Variants in SLC35F4 observed in about 807,000 individuals in gnomAD.
The protein encoded by SLC35F4 is chromosome 14 open reading frame 36.
A neutral mutation model predicts 44.2 loss-of-function variants in SLC35F4; 24 were observed. That is an observed-to-expected ratio of 0.54 (90% CI 0.39 to 0.76). The LOEUF (loss-of-function observed/expected upper bound fraction) is 0.76, where lower values mean the gene tolerates loss of function less well. SLC35F4 is among the 30% of genes least tolerant of loss of function. SLC35F4 has a pLI of 0.00. For missense variants in SLC35F4, 562 were observed against 586.1 expected, an observed-to-expected ratio of 0.96 and a Z score of 0.42; for synonymous variants, 238 against 223.6, an observed-to-expected ratio of 1.06 and a Z score of -0.57.
upstream of SLC35F4, among the ~76,000 whole-genome samples, chr14:57,867,690 A>T (rs1481827891): frequency 6.6e-6 from 1 of 151,934 alleles, no homozygotes; most frequent in African/African-American, 2.4e-5. Context: ...TGTATTGCAC[A>T]TGGTAAAATG....
intron 1 of SLC35F4, among the ~76,000 whole-genome samples, chr14:57,670,266 C>G (rs1175435986): frequency 1.3e-5 from 2 of 151,446 alleles, no homozygotes; most frequent in African/African-American, 2.5e-5. Flanking sequence ...TTTTGTTGAT[C>G]TTTTCAAAGA....
At chr14:57,794,449 A>G (rs1349568985) in intron 1 of SLC35F4, among the ~76,000 whole-genome samples, 1 of 152,164 alleles carries the variant, frequency 6.6e-6, no homozygotes, top group Non-Finnish European at 1.5e-5. Flanking sequence ...AAAAATGTTC[A>G]ACATCACTAA....
intron 1 of SLC35F4, among the ~76,000 whole-genome samples, chr14:57,930,519 C>G (rs1321013851): frequency 6.6e-6 from 1 of 152,166 alleles, no homozygotes; most frequent in Non-Finnish European, 1.5e-5. Flanking sequence ...TGAAAACTTC[C>G]TCATTGTCTC....
At chr14:57,602,305 A>G (rs2070872378) in intron 1 of SLC35F4, 2 of 152,216 alleles carry the variant, frequency 1.3e-5, no homozygotes, top group Non-Finnish European at 2.9e-5. Context: ...TGTGGGGAGC[A>G]AACAAGGTGT....
At chr14:57,801,505 T>C (rs759257592) in intron 1 of SLC35F4, among the ~76,000 whole-genome samples, 17 of 152,126 alleles carry the variant, frequency 1.1e-4, no homozygotes, top group Admixed American at 1.3e-4. Context: ...AAAGCACACA[T>C]AACAATACTA....
At chr14:57,620,340 T>C (rs186997757) in intron 1 of SLC35F4, among the ~76,000 whole-genome samples, 5 of 152,252 alleles carry the variant, frequency 3.3e-5, no homozygotes, top group Admixed American at 3.3e-4. Context: ...ACAGTGAATC[T>C]CTCGGCAGAA....
chr14:57,611,845 A>G (rs1765467963), intron 1 of SLC35F4, among the ~76,000 whole-genome samples: 1 of 152,174 alleles, frequency 6.6e-6, no homozygotes, highest in African/African-American at 2.4e-5. Context: ...AGTTCCAGCT[A>G]GATGAAGTAA....
At chr14:57,766,148 T>C (rs2077229453) in intron 1 of SLC35F4, among the ~76,000 whole-genome samples, 1 of 152,208 alleles carries the variant, frequency 6.6e-6, no homozygotes, top group Non-Finnish European at 1.5e-5. Context: ...ACATAAAGGC[T>C]GAAATCCATC....
intron 1 of SLC35F4, among the ~76,000 whole-genome samples, chr14:57,644,430 C>T (rs928247827): frequency 3.3e-5 from 5 of 150,130 alleles, no homozygotes; most frequent in African/African-American, 1.2e-4. Flanking sequence ...TGAGAAGTGT[C>T]TGTTCATATC....
At chr14:57,633,919 T>G (rs2072906210) in intron 1 of SLC35F4, among the ~76,000 whole-genome samples, 1 of 151,996 alleles carries the variant, frequency 6.6e-6, no homozygotes, top group African/African-American at 2.4e-5. Context: ...AATGCTAACT[T>G]TAAAGGACTA....
At chr14:57,586,187 A>G (rs2069706729) in intron 3 of SLC35F4, among the ~76,000 whole-genome samples, 1 of 152,170 alleles carries the variant, frequency 6.6e-6, no homozygotes, top group Admixed American at 6.5e-5. Flanking sequence ...ATCTACAACC[A>G]TCTAGTCTTT....
chr14:57,607,613 T>A (rs1026120663), intron 1 of SLC35F4, among the ~76,000 whole-genome samples: 1 of 152,128 alleles, frequency 6.6e-6, no homozygotes, highest in Non-Finnish European at 1.5e-5. Context: ...AACACCAATC[T>A]CGGCCAATGC....
intron 1 of SLC35F4, among the ~76,000 whole-genome samples, chr14:57,608,561 C>T (rs1406323437): frequency 6.6e-6 from 1 of 152,134 alleles, no homozygotes; most frequent in Non-Finnish European, 1.5e-5. Context: ...TGACCTTGGA[C>T]TTCCAGCCTT....
chr14:57,570,307 A>T (rs58001019), intron 5 of SLC35F4, among the ~76,000 whole-genome samples: 3,793 of 152,320 alleles, frequency 0.025, 151 homozygotes, highest in African/African-American at 0.087. Flanking sequence ...AAAATCTTCT[A>T]GGATTGACTG....
intron 1 of SLC35F4, among the ~76,000 whole-genome samples, chr14:57,703,303 G>A (rs185510671): frequency 6.6e-6 from 1 of 152,242 alleles, no homozygotes; most frequent in East Asian, 1.9e-4. Context: ...AAATACAGTA[G>A]GTGGCAAATT....
chr14:57,754,536 A>C (rs746987249), intron 1 of SLC35F4, among the ~76,000 whole-genome samples: 1 of 152,230 alleles, frequency 6.6e-6, no homozygotes, highest in Non-Finnish European at 1.5e-5. Flanking sequence ...GGTTTCACTC[A>C]GGAACCAGAT....
chr14:57,739,068 T>A (rs1000201842), intron 1 of SLC35F4, among the ~76,000 whole-genome samples: 1 of 152,130 alleles, frequency 6.6e-6, no homozygotes, highest in Non-Finnish European at 1.5e-5. Context: ...CATAGCTCTT[T>A]ATCCGAAGAC....
intron 1 of SLC35F4, among the ~76,000 whole-genome samples, chr14:57,738,125 G>T (rs1447444884): frequency 6.6e-6 from 1 of 152,102 alleles, no homozygotes; most frequent in Non-Finnish European, 1.5e-5. Flanking sequence ...AGAAATGCTG[G>T]TACATCTCTA....
chr14:57,813,697 A>T (rs1882238484), intron 1 of SLC35F4, among the ~76,000 whole-genome samples: 1 of 152,260 alleles, frequency 6.6e-6, no homozygotes, highest in African/African-American at 2.4e-5. Context: ...TCAAGTGTGC[A>T]GATGGATGCA....
Sources: allele counts gnomAD v4.1 joint callset (sites outside exome capture counted in the v4.1 genomes callset), GRCh38; gene constraint gnomAD v4.1.1; transcripts MANE v1.5; gene names NCBI Gene and HGNC (gene_info 2026-07-23, HGNC 2026-07-21).